The following PHKB variants were observed in gnomAD, a reference collection of about 807,000 sequenced individuals.
PHKB encodes the protein phosphorylase b kinase regulatory subunit beta.
Under a neutral mutation model 152.1 loss-of-function variants are expected in PHKB, and 122 were observed. The ratio of observed to expected loss-of-function variants is 0.80; its 90% CI spans 0.69 to 0.93. The LOEUF is 0.93. Ranked by LOEUF, PHKB falls within the 40% of genes least tolerant of loss-of-function variation. PHKB has a pLI of 0.00. For missense variants in PHKB, 1,304 were observed against 1,328.4 expected (o/e 0.98, Z 0.29); for synonymous variants, 436 against 464.9 (o/e 0.94, Z 0.80).
intron 8 of PHKB, among the ~76,000 whole-genome samples, chr16:47,584,158 T>C (rs963944875): frequency 1.3e-5 from 2 of 152,110 alleles, no homozygotes; most frequent in African/African-American, 4.8e-5. Flanking sequence ...CTAGTTTCCA[T>C]AATGATTTGT....
chr16:47,492,661 G>A (rs1202060386), intron 1 of PHKB, among the ~76,000 whole-genome samples: 11 of 152,106 alleles, frequency 7.2e-5, no homozygotes, highest in East Asian at 5.8e-4. Flanking sequence ...GCTGCTGCTC[G>A]CCCTTCCGTC....
chr16:47,476,398 C>G (rs1969869022), intron 1 of PHKB, among the ~76,000 whole-genome samples: 1 of 152,030 alleles, frequency 6.6e-6, no homozygotes, highest in Non-Finnish European at 1.5e-5. Context: ...TGGAAATACA[C>G]AGTAAGGCTC....
intron 20 of PHKB, among the ~76,000 whole-genome samples, chr16:47,659,058 C>G (rs957965288): frequency 8.5e-5 from 13 of 152,184 alleles, no homozygotes; most frequent in Admixed American, 7.9e-4. Context: ...ATTCAATGAA[C>G]CTGCCTAGGC....
chr16:47,590,877 G>A (rs1437427149), intron 10 of PHKB: 3 of 152,210 alleles, frequency 2.0e-5, no homozygotes, highest in Non-Finnish European at 4.4e-5. Context: ...GCTTTTTCCT[G>A]TTTGTACTCA....
chr16:47,512,322 C>G (rs1970524642), intron 5 of PHKB, among the ~76,000 whole-genome samples: 1 of 152,164 alleles, frequency 6.6e-6, no homozygotes, highest in African/African-American at 2.4e-5. Context: ...CGAGTGAATT[C>G]TTGGTCTTCA....
chr16:47,546,148 A>ACC (rs2151671577), intron 6 of PHKB, among the ~76,000 whole-genome samples: 1 of 152,242 alleles, frequency 6.6e-6, no homozygotes, highest in East Asian at 1.9e-4. Context: ...GTGAGGAGCT[A>ACC]CGGTTCTTTG....
chr16:47,574,335 C>T (rs1335720495), intron 7 of PHKB, among the ~76,000 whole-genome samples: 1 of 152,170 alleles, frequency 6.6e-6, no homozygotes, highest in Non-Finnish European at 1.5e-5. Flanking sequence ...GCAGTCTCCC[C>T]GCTTTCACAC....
At chr16:47,695,841 T>G (rs1974137622) in intron 28 of PHKB, among the ~76,000 whole-genome samples, 1 of 152,256 alleles carries the variant, frequency 6.6e-6, no homozygotes, top group Non-Finnish European at 1.5e-5. Context: ...ATTCTTGTTT[T>G]AAATGAAAGA....
At chr16:47,563,085 T>G (rs1239475553) in intron 7 of PHKB, among the ~76,000 whole-genome samples, 2 of 152,072 alleles carry the variant, frequency 1.3e-5, no homozygotes, top group Non-Finnish European at 2.9e-5. Flanking sequence ...TCTTTTGCTA[T>G]TTCCACCACA....
At chr16:47,672,974 C>T (rs995382289) in intron 26 of PHKB, among the ~76,000 whole-genome samples, 3 of 151,984 alleles carry the variant, frequency 2.0e-5, no homozygotes, top group African/African-American at 4.8e-5. Context: ...AATTATTCAC[C>T]GTCCTGAAAC....
intron 13 of PHKB, among the ~76,000 whole-genome samples, chr16:47,599,860 A>G (rs945087347): frequency 3.3e-5 from 5 of 152,218 alleles, no homozygotes; most frequent in African/African-American, 1.2e-4. Flanking sequence ...ATCTCAGAAA[A>G]TTGAATCATT....
chr16:47,473,436 C>T (rs1019937198), intron 1 of PHKB, among the ~76,000 whole-genome samples: 35 of 151,478 alleles, frequency 2.3e-4, no homozygotes, highest in Admixed American at 2.1e-3. Flanking sequence ...ATTAGGCCTT[C>T]GTTGCCTTGA....
intron 4 of PHKB, 63 bp downstream of exon 4, chr16:47,503,153 T>C (rs958343720): frequency 3.8e-6 from 4 of 1,058,490 alleles, no homozygotes; most frequent in Admixed American, 3.6e-5. Flanking sequence ...TTAACTAGTA[T>C]CGCAATGGTT....
At chr16:47,683,299 G>A (rs531132622) in intron 26 of PHKB, among the ~76,000 whole-genome samples, 42 of 152,280 alleles carry the variant, frequency 2.8e-4, no homozygotes, top group East Asian at 1.9e-4. Flanking sequence ...GCTGTCAGAC[G>A]GGACATTTAA....
chr16:47,650,586 C>G lies in PHKB; in HGVS notation c.1840C>G (p.Arg614Gly). 6.2e-7 allele frequency: 1 copy of G among 1,611,046 alleles called. No homozygotes were observed. The highest frequency in any genetic ancestry group is 8.5e-7 in the Non-Finnish European group (1 of 1,177,322). ...FIKQYWKMHG[R>G]PLFLVLIRED... is the part of the protein sequence containing the mutation. ...TAAACAATATTGGAAAATGCATGGA[C>G]GTCCACTTTTCCTTGTTCTCATCCG... Residue 614 changes from arginine (R) to glycine (G), a missense_variant, in exon 19 of 31, where the codon CGT (arginine) becomes GGT (glycine). Arg to Gly is a moderately radical substitution (Grantham distance 125). Coordinates refer to ENST00000323584, the MANE Select transcript of PHKB (RefSeq NM_000293.3).
chr16:47,525,269 A>G (rs772384606), intron 6 of PHKB, among the ~76,000 whole-genome samples: 7 of 152,184 alleles, frequency 4.6e-5, no homozygotes, highest in Non-Finnish European at 7.4e-5. Flanking sequence ...TTATTCTTTG[A>G]TTTTAATATG....
intron 26 of PHKB, among the ~76,000 whole-genome samples, chr16:47,686,126 A>G (rs1030095659): frequency 1.3e-5 from 2 of 152,190 alleles, no homozygotes; most frequent in South Asian, 2.1e-4. Flanking sequence ...ATTTTTGAGA[A>G]CAGTGTTGTC....
At chr16:47,582,454 A>C (rs1971863550) in intron 8 of PHKB, among the ~76,000 whole-genome samples, 1 of 152,158 alleles carries the variant, frequency 6.6e-6, no homozygotes, top group African/African-American at 2.4e-5. Flanking sequence ...TTGGATTCTG[A>C]GTTATAACTG....
At chr16:47,619,491 T>C (rs565913547) in intron 14 of PHKB, 2 of 152,216 alleles carry the variant, frequency 1.3e-5, no homozygotes, top group South Asian at 2.1e-4. Flanking sequence ...TTCCCTGTTA[T>C]GCTAGGATGA....
Sources: gnomAD v4.1 joint callset for allele counts (sites outside exome capture counted in the v4.1 genomes callset) on GRCh38, gnomAD v4.1.1 for gene constraint, MANE v1.5 for transcripts, NCBI Gene and HGNC (gene_info 2026-07-23, HGNC 2026-07-21) for gene names.